HPSE2: variants seen among roughly 807,000 people sequenced by gnomAD.
HPSE2 encodes inactive heparanase-2.
HPSE2 carries 38 observed loss-of-function variants against 60.5 expected under a neutral mutation model. The observed-to-expected ratio is 0.63, with a 90% CI of 0.48 to 0.82. The LOEUF (loss-of-function observed/expected upper bound fraction) is 0.82. HPSE2 is among the 40% of genes least tolerant of loss of function. The pLI, the probability that HPSE2 is intolerant of heterozygous loss-of-function variation, is 0.00. For missense variants in HPSE2, 713 were observed against 740.4 expected, an observed-to-expected ratio of 0.96 and a Z score of 0.43; for synonymous variants, 295 against 293.2, an observed-to-expected ratio of 1.01 and a Z score of -0.06.
At chr10:99,307,201 A>C in the HPSE2 span, among the ~76,000 whole-genome samples, 3 of 152,226 alleles carry the variant, frequency 2.0e-5, no homozygotes, top group African/African-American at 7.2e-5. Context: ...CTACATTGGA[A>C]GTTTCAATAG....
rs1264399554 is a variant in HPSE2 at position 98,806,612 on chromosome 10, CA to C, written c.611-62557del. Among the ~76,000 whole-genome samples the C allele has an allele frequency of 2.6e-5, 4 of 152,242 alleles. No individual in the cohort carries two copies. The East Asian group carries it at 5.8e-4, about 22-fold the overall frequency. ...TGTGAAAGTGCTTTGTGAAAAACAA[CA>C]GATAGTAAAACTATTAGAATATATG... On this transcript the variant is annotated intron_variant, in intron 3 of 11. Transcript: ENST00000370552.
chr10:99,106,367 T>C (rs1391272941), intron 3 of HPSE2, among the ~76,000 whole-genome samples: 1 of 152,088 alleles, frequency 6.6e-6, no homozygotes, highest in Non-Finnish European at 1.5e-5. Context: ...TTTCTTCTAG[T>C]TTGCTGAGAA....
At chr10:98,928,856 G>A (rs1427736423) in intron 3 of HPSE2, among the ~76,000 whole-genome samples, 3 of 90,536 alleles carry the variant, frequency 3.3e-5, no homozygotes, top group Non-Finnish European at 5.9e-5. Context: ...GGGGAGGGGG[G>A]AGGGATAGCA....
At chr10:99,101,033 C>G (rs1448712321) in intron 3 of HPSE2, among the ~76,000 whole-genome samples, 4 of 152,182 alleles carry the variant, frequency 2.6e-5, no homozygotes, top group Admixed American at 2.6e-4. Flanking sequence ...ACTGCAAAAA[C>G]ATGCCAAATT....
intron 3 of HPSE2, among the ~76,000 whole-genome samples, chr10:98,911,195 T>C (rs1277518067): frequency 6.6e-5 from 10 of 152,210 alleles, no homozygotes; most frequent in Non-Finnish European, 1.2e-4. Context: ...CAAGACATGA[T>C]GTGATTCCAA....
At position 98,606,712 on chromosome 10, in the gene HPSE2, A is replaced by T. The variant is rs538391293; in HGVS notation, c.1320+8192T>A. On this transcript the variant is annotated intron_variant, in intron 9 of 11. Coordinates refer to ENST00000370552, the MANE Select transcript of HPSE2 (RefSeq NM_021828.5). ...TATCTAATGACTGACAGATTTTTTT[A>T]AAAAAATGTTATAGTGTAGTACATT... Among the ~76,000 whole-genome samples the T allele has an allele frequency of 1.3e-3, 194 of 152,338 alleles. 1 individual carries two copies. The highest frequency in any genetic ancestry group is 2.4e-3 in the Admixed American group (36 of 15,298).
At chr10:99,132,897 C>T (rs1845500313) in intron 3 of HPSE2, among the ~76,000 whole-genome samples, 2 of 152,196 alleles carry the variant, frequency 1.3e-5, no homozygotes, top group South Asian at 4.1e-4. Context: ...GAACTGTTCA[C>T]TCCCCTGGAA....
chr10:98,610,642 T>C (rs193145117), intron 9 of HPSE2, among the ~76,000 whole-genome samples: 3 of 152,216 alleles, frequency 2.0e-5, no homozygotes, highest in African/African-American at 7.2e-5. Context: ...GTGCCCACTG[T>C]GGAAAAGGCA....
chr10:99,166,415 T>C (rs1457110957), intron 2 of HPSE2, among the ~76,000 whole-genome samples: 1 of 152,228 alleles, frequency 6.6e-6, no homozygotes, highest in Non-Finnish European at 1.5e-5. Context: ...TTATTTTGCA[T>C]TCTCACCAGC....
chr10:99,114,223 C>T (rs1276555868), intron 3 of HPSE2, among the ~76,000 whole-genome samples: 1 of 152,226 alleles, frequency 6.6e-6, no homozygotes, highest in African/African-American at 2.4e-5. Flanking sequence ...CTGGCCCACA[C>T]CTGACCTTGG....
chr10:99,259,003 T>C, the HPSE2 span, among the ~76,000 whole-genome samples: 3 of 152,232 alleles, frequency 2.0e-5, no homozygotes, highest in Admixed American at 6.5e-5. Context: ...AGAAAAAATG[T>C]AATAAAAGAC....
chr10:99,084,308 T>C (rs1284466903), intron 3 of HPSE2, among the ~76,000 whole-genome samples: 2 of 151,862 alleles, frequency 1.3e-5, no homozygotes, highest in Non-Finnish European at 2.9e-5. Flanking sequence ...AAGAACAAAA[T>C]AGCTATTTCA....
At chr10:98,597,533 T>C (rs1193921061) in intron 9 of HPSE2, among the ~76,000 whole-genome samples, 1 of 150,234 alleles carries the variant, frequency 6.7e-6, no homozygotes, top group African/African-American at 2.4e-5. Flanking sequence ...TAGCCGGATG[T>C]GGTGGCATGT....
intron 3 of HPSE2, among the ~76,000 whole-genome samples, chr10:98,873,763 C>T (rs1420687550): frequency 2.0e-5 from 3 of 151,902 alleles, no homozygotes; most frequent in South Asian, 2.1e-4. Context: ...TGGTATTTCT[C>T]GTTCTAGATC....
chr10:98,807,459 T>C (rs1177888442), intron 3 of HPSE2, among the ~76,000 whole-genome samples: 1 of 152,218 alleles, frequency 6.6e-6, no homozygotes, highest in African/African-American at 2.4e-5. Context: ...CAGTTTCCTC[T>C]TCAGCAAAAT....
intron 4 of HPSE2, among the ~76,000 whole-genome samples, chr10:98,723,246 G>A (rs1948976044): frequency 6.6e-6 from 1 of 152,162 alleles, no homozygotes; most frequent in Admixed American, 6.6e-5. Context: ...CTTTGGTTCT[G>A]TTTATATGCT....
chr10:98,628,726 G>C (rs890001217), intron 7 of HPSE2, among the ~76,000 whole-genome samples: 3 of 152,076 alleles, frequency 2.0e-5, no homozygotes, highest in African/African-American at 7.2e-5. Flanking sequence ...GCCTGCTAGA[G>C]GCAGAGTTGT....
intron 9 of HPSE2, among the ~76,000 whole-genome samples, chr10:98,547,248 G>A (rs1239776923): frequency 1.1e-4 from 13 of 122,008 alleles, no homozygotes; most frequent in African/African-American, 3.6e-4. Flanking sequence ...TCAGTGTGGT[G>A]ATTCCTCAGG....
chr10:98,611,485 C>T (rs1179969424), intron 9 of HPSE2, among the ~76,000 whole-genome samples: 2 of 152,222 alleles, frequency 1.3e-5, no homozygotes, highest in Non-Finnish European at 2.9e-5. Context: ...ATGCAACTCA[C>T]TAATCCCCTA....
Sources: allele counts gnomAD v4.1 joint callset (sites outside exome capture counted in the v4.1 genomes callset), GRCh38; gene constraint gnomAD v4.1.1; transcripts MANE v1.5; gene names NCBI Gene and HGNC (gene_info 2026-07-23, HGNC 2026-07-21).